DTD1: variants seen among roughly 807,000 people sequenced by gnomAD.
DTD1 encodes the protein D-tyrosyl-tRNA deacylase 1 homolog.
In DTD1, 13 loss-of-function variants were observed where a neutral mutation model predicts 25.6. That is an observed-to-expected ratio of 0.51 (90% confidence interval 0.33 to 0.81). The LOEUF (loss-of-function observed/expected upper bound fraction) is 0.81. Among genes scored for constraint, DTD1 ranks in the 30% least tolerant of loss-of-function variants. The pLI is 0.02. For missense variants in DTD1, 193 were observed against 266.4 expected, an observed-to-expected ratio of 0.72 and a Z score of 1.92; for synonymous variants, 110 against 103.6, an observed-to-expected ratio of 1.06 and a Z score of -0.37.
At chr20:18,684,696 G>T (rs1351605069) in intron 4 of DTD1, among the ~76,000 whole-genome samples, 2 of 151,978 alleles carry the variant, frequency 1.3e-5, no homozygotes, top group Non-Finnish European at 2.9e-5. Flanking sequence ...CAGATTTCAA[G>T]GTGGTGATTT....
At chr20:18,757,545 G>T (rs9753685) in intron 5 of DTD1, among the ~76,000 whole-genome samples, 54 of 152,198 alleles carry the variant, frequency 3.5e-4, no homozygotes, top group Admixed American at 6.5e-4. Context: ...GGTTTTTGTC[G>T]TTGGTTCTGT....
At chr20:18,665,003 G>C (rs2060926213) in intron 4 of DTD1, among the ~76,000 whole-genome samples, 1 of 152,108 alleles carries the variant, frequency 6.6e-6, no homozygotes, top group South Asian at 2.1e-4. Flanking sequence ...ATAATAAAAA[G>C]CCACTTGGAG....
At chr20:18,622,856 C>T (rs2060740403) in intron 3 of DTD1, among the ~76,000 whole-genome samples, 1 of 151,700 alleles carries the variant, frequency 6.6e-6, no homozygotes, top group South Asian at 2.1e-4. Flanking sequence ...TTCCCAATAT[C>T]CCGCAAGTTC....
chr20:18,619,996 C>G (rs2060726860), intron 3 of DTD1: 1 of 151,936 alleles, frequency 6.6e-6, no homozygotes. Flanking sequence ...TTAAAAACTT[C>G]CATTCACTGA....
chr20:18,729,830 G>A (rs1207407277), intron 4 of DTD1, among the ~76,000 whole-genome samples: 1 of 152,118 alleles, frequency 6.6e-6, no homozygotes, highest in Non-Finnish European at 1.5e-5. Context: ...GCCCCTGGCC[G>A]GGAATGACCA....
At chr20:18,690,945 A>G (rs1286532884) in intron 4 of DTD1, among the ~76,000 whole-genome samples, 1 of 152,158 alleles carries the variant, frequency 6.6e-6, no homozygotes, top group Admixed American at 6.5e-5. Flanking sequence ...GAATTTTAAC[A>G]TGGGCAAAGG....
At chr20:18,639,968 T>C (rs1158542879) in intron 4 of DTD1, among the ~76,000 whole-genome samples, 3 of 152,078 alleles carry the variant, frequency 2.0e-5, no homozygotes, top group African/African-American at 7.2e-5. Context: ...CATTGTTGGG[T>C]CATGAAACCT....
At chr20:18,618,924 G>T (rs1018268275) in intron 3 of DTD1, among the ~76,000 whole-genome samples, 1 of 152,118 alleles carries the variant, frequency 6.6e-6, no homozygotes, top group African/African-American at 2.4e-5. Context: ...TGTTGGCCAG[G>T]CTCATCTCGA....
rs117163869 is a variant in DTD1 at position 18,703,976 on chromosome 20, A to G, written c.478-40124A>G. 7.8e-3 allele frequency among the ~76,000 whole-genome samples: 1,179 copies of G among 150,526 alleles called. 8 individuals carry two copies. The highest frequency in any genetic ancestry group is 0.013 in the Non-Finnish European group (848 of 67,838). ...AGAACACTGGCCAGGGTAGATTAAC[A>G]TAAGTAATCATAAGTAGTTGGTAGC... On this transcript the variant is annotated intron_variant, in intron 4 of 5. Coordinates refer to ENST00000377452, the MANE Select transcript of DTD1 (RefSeq NM_080820.6).
intron 4 of DTD1, among the ~76,000 whole-genome samples, chr20:18,698,950 G>T (rs975317674): frequency 2.0e-5 from 3 of 152,142 alleles, no homozygotes; most frequent in African/African-American, 7.2e-5. Flanking sequence ...GGCTGCCACA[G>T]CAGTGCCCTT....
At chr20:18,654,056 A>G (rs2060883417) in intron 4 of DTD1, among the ~76,000 whole-genome samples, 1 of 152,166 alleles carries the variant, frequency 6.6e-6, no homozygotes, top group African/African-American at 2.4e-5. Context: ...TTTCTTTCCA[A>G]TTTATAATAT....
At chr20:18,698,087 C>G (rs1194708058) in intron 4 of DTD1, among the ~76,000 whole-genome samples, 1 of 152,150 alleles carries the variant, frequency 6.6e-6, no homozygotes, top group African/African-American at 2.4e-5. Context: ...GGTATGAACA[C>G]CTTTGTATGA....
intron 5 of DTD1, among the ~76,000 whole-genome samples, chr20:18,760,608 A>T (rs1180870221): frequency 2.0e-5 from 3 of 152,158 alleles, no homozygotes; most frequent in African/African-American, 7.2e-5. Context: ...TTTGTCTCAG[A>T]GGAGTACCCG....
intron 4 of DTD1, among the ~76,000 whole-genome samples, chr20:18,670,629 G>T (rs565806924): frequency 6.6e-6 from 1 of 152,316 alleles, no homozygotes; most frequent in South Asian, 2.1e-4. Flanking sequence ...TTTGATTAGA[G>T]TTCTAAATAA....
rs1600362717 is a variant in DTD1, at chr20:18,679,810, A to G, written c.477+51577A>G. ...GCTTGCTGAAGCCTCCTTGCTCAGG[A>G]GAGATGCCACATCTTCTAGATATAG... On this transcript the variant is annotated intron_variant, in intron 4 of 5. Coordinates refer to ENST00000377452, the MANE Select transcript of DTD1 (RefSeq NM_080820.6). 2.0e-5 allele frequency among the ~76,000 whole-genome samples: 3 copies of G among 152,198 alleles called. No homozygotes were observed. In the East Asian group the frequency reaches 5.8e-4, roughly 29 times the overall value.
At chr20:18,621,923 G>T (rs924247099) in intron 3 of DTD1, among the ~76,000 whole-genome samples, 2 of 152,110 alleles carry the variant, frequency 1.3e-5, no homozygotes, top group African/African-American at 4.8e-5. Context: ...AATTAGCCGG[G>T]CATGGTGGTG....
At chr20:18,637,020 G>A (rs920451233) in intron 4 of DTD1, among the ~76,000 whole-genome samples, 1 of 152,150 alleles carries the variant, frequency 6.6e-6, no homozygotes, top group African/African-American at 2.4e-5. Flanking sequence ...TTTCTAACCA[G>A]GTCTTTGTGT....
In DTD1 at chr20:18,636,194, A is replaced by G. The variant is rs551388393; in HGVS notation, c.477+7961A>G. 5.3e-5 allele frequency among the ~76,000 whole-genome samples: 8 copies of G among 152,338 alleles called. No homozygotes were observed. The South Asian group carries it at 1.7e-3, about 32-fold the overall frequency. On this transcript the variant is annotated intron_variant, in intron 4 of 5. Coordinates refer to ENST00000377452, the MANE Select transcript of DTD1 (RefSeq NM_080820.6). Reference sequence around the variant, plus strand: ...CCTTACCTTGCTGACTTGACCTGCCAAAGATTAACAGCATCCTTTTTATTC... The same window carrying G: ...CCTTACCTTGCTGACTTGACCTGCCGAAGATTAACAGCATCCTTTTTATTC...
intron 1 of DTD1, among the ~76,000 whole-genome samples, chr20:18,590,689 T>C (rs59832377): frequency 0.4 from 61,189 of 151,990 alleles, 12,675 homozygotes; most frequent in South Asian, 0.46. Flanking sequence ...ACTAGGCTGG[T>C]CTCAAATTCC....
Sources: allele counts gnomAD v4.1 joint callset (sites outside exome capture counted in the v4.1 genomes callset), GRCh38; gene constraint gnomAD v4.1.1; transcripts MANE v1.5; gene names NCBI Gene and HGNC (gene_info 2026-07-23, HGNC 2026-07-21).